SHF: variants seen among roughly 807,000 people sequenced by gnomAD.
SHF encodes the protein Src homology 2 domain containing F.
In SHF, 30 loss-of-function variants were observed where a neutral mutation model predicts 42.4. The observed-to-expected ratio is 0.71, with a 90% CI of 0.53 to 0.96. SHF has a LOEUF of 0.96. Ranked by LOEUF, SHF falls within the 40% of genes least tolerant of loss-of-function variation. The pLI is 0.00. For missense variants in SHF, 598 were observed against 634.0 expected, an observed-to-expected ratio of 0.94 and a Z score of 0.61; for synonymous variants, 264 against 269.9, an observed-to-expected ratio of 0.98 and a Z score of 0.21.
upstream of SHF, chr15:45,188,037 C>T (rs1453132702): frequency 1.2e-5 from 2 of 164,896 alleles, no homozygotes; most frequent in African/African-American, 2.8e-5. Context: ...CTCCGCCGGG[C>T]GGGGAGGGGG....
rs750043642 is a variant in SHF at position 45,172,277 on chromosome 15, G to A, written c.1030C>T (p.Arg344Trp). The A allele has an allele frequency of 3.3e-5, 53 of 1,611,954 alleles. No individual in the cohort carries two copies. The highest frequency in any genetic ancestry group is 5.3e-5 in the African/African-American group (4 of 75,006). The change falls in exon 5 of 7, where the codon CGG (arginine) becomes TGG (tryptophan). Residue 344 changes from arginine (R) to tryptophan (W), a missense_variant. This residue lies in a region of SHF where 439 missense variants were observed against 524.6 expected (regional missense o/e 0.84). Transcript: ENST00000690270. ...GPEKSCLSPGREEKGRLPPRL... is the reference protein window; with the variant it reads ...GPEKSCLSPGWEEKGRLPPRL... Reference sequence around the variant, plus strand: ...GGAGGTAGCCGCCCCTTCTCCTCCCGGCCAGGTGACAGGCAGCTCTTCTCC... The same window carrying A: ...GGAGGTAGCCGCCCCTTCTCCTCCCAGCCAGGTGACAGGCAGCTCTTCTCC...
chr15:45,177,835 A>G (rs1897899425), intron 2 of SHF, among the ~76,000 whole-genome samples: 1 of 152,088 alleles, frequency 6.6e-6, no homozygotes, highest in Non-Finnish European at 1.5e-5. Context: ...AAGATGTTTC[A>G]TTTCAAACTC....
At chr15:45,199,163 C>G in intron 1 of SHF, 1 of 1,387,008 alleles carries the variant, frequency 7.2e-7, no homozygotes, top group Non-Finnish European at 9.6e-7. Context: ...GCAAACGCAT[C>G]TCCCCATGTT....
At chr15:45,175,094 C>T in intron 3 of SHF, 125 bp downstream of exon 3, 4 of 1,078,960 alleles carry the variant, frequency 3.7e-6, no homozygotes, top group Admixed American at 5.5e-5. Context: ...CAGAACTCAA[C>T]TACATTTCCC....
At chr15:45,196,702 C>T (rs1033072911) in intron 2 of SHF, among the ~76,000 whole-genome samples, 1 of 151,930 alleles carries the variant, frequency 6.6e-6, no homozygotes, top group Non-Finnish European at 1.5e-5. Flanking sequence ...TCGAGACCAT[C>T]CTGGCTAACA....
chr15:45,188,366 G>A (rs140848486), upstream of SHF, among the ~76,000 whole-genome samples: 40 of 152,326 alleles, frequency 2.6e-4, 1 homozygote, highest in East Asian at 7.0e-3. Context: ...CCCTCTCCCA[G>A]GATCTCGCAA....
At chr15:45,189,552 T>A (rs944250253), upstream of SHF, among the ~76,000 whole-genome samples, 1 of 151,708 alleles carries the variant, frequency 6.6e-6, no homozygotes, top group Non-Finnish European at 1.5e-5. Flanking sequence ...CCACACCTGG[T>A]TAATTTTTTG....
intron 1 of SHF, 128 bp from the exon 2 acceptor site, chr15:45,178,434 C>G (rs1269102761): frequency 2.2e-5 from 25 of 1,116,114 alleles, no homozygotes; most frequent in Non-Finnish European, 3.1e-5. Flanking sequence ...CCCAGGTACT[C>G]AAAGGAAGGC....
chr15:45,169,472 G>A (rs1897364473), intron 6 of SHF, among the ~76,000 whole-genome samples: 1 of 152,198 alleles, frequency 6.6e-6, no homozygotes, highest in East Asian at 1.9e-4. Flanking sequence ...AACTAGGGCT[G>A]ACAGCACAGG....
intron 6 of SHF, among the ~76,000 whole-genome samples, chr15:45,169,660 C>G (rs926846310): frequency 3.9e-5 from 6 of 152,268 alleles, no homozygotes; most frequent in African/African-American, 1.4e-4. Context: ...GGAATTGTCT[C>G]TCCTAAAAGC....
upstream of SHF, among the ~76,000 whole-genome samples, chr15:45,192,598 C>T (rs567456682): frequency 3.9e-5 from 6 of 152,166 alleles, no homozygotes; most frequent in South Asian, 6.2e-4. Context: ...GTCTCGAACT[C>T]CTGACCTCGT....
In SHF at chr15:45,172,191, G is replaced by A; in HGVS notation, c.1116C>T (p.Pro372=). 6.2e-7 allele frequency: 1 copy of A among 1,613,924 alleles called. No homozygotes were observed. Among genetic ancestry groups the A allele is most frequent in the Non-Finnish European group, 8.5e-7 (1 of 1,179,862 alleles). ...AKPLSMEPSS[P]LGEWTDPALP... ...GTGCTGGATCTGTCCACTCCCCCAG[G>A]GGGCTGCTGGGCTCCATGCTTAGGG... is the stretch of plus-strand genomic sequence containing the variant. Residue 372 remains proline (P), a synonymous_variant, in exon 5 of 7, where the codon CCC becomes CCT. Transcript: ENST00000690270.
chr15:45,168,147 A>T lies in SHF; in HGVS notation c.1281-14T>A. 1 of 1,564,530 alleles carries T rather than the reference A, an allele frequency of 6.4e-7. No homozygotes were observed. On this transcript the variant is annotated splice_polypyrimidine_tract_variant and intron_variant, in intron 6 of 6. Coordinates refer to ENST00000690270, the MANE Select transcript of SHF (RefSeq NM_001394037.1). ...CCCTGGCTGCTCCTGGGAAGAGGAG[A>T]GGAGACTTTGGTGAGTGGGGGCTCT...
intron 1 of SHF, among the ~76,000 whole-genome samples, chr15:45,186,315 A>T (rs1294108813): frequency 1.3e-5 from 2 of 152,248 alleles, no homozygotes; most frequent in Non-Finnish European, 2.9e-5. Context: ...TCATCCAGGA[A>T]ATCTGGCGGA....
In SHF at chr15:45,172,283, G is replaced by GT. The variant is rs780385909; in HGVS notation, c.1023dup (p.Pro342ThrfsTer75). ...AGCCGCCCCTTCTCCTCCCGGCCAG[G>GT]TGACAGGCAGCTCTTCTCCGGTCCT... On this transcript the variant is annotated frameshift_variant, in exon 5 of 7. Coordinates refer to ENST00000690270, the MANE Select transcript of SHF (RefSeq NM_001394037.1). LOFTEE classifies it high-confidence loss of function. 10 of 1,611,112 alleles carry GT rather than the reference G, an allele frequency of 6.2e-6. No homozygotes were observed. The highest frequency in any genetic ancestry group is 8.5e-6 in the Non-Finnish European group (10 of 1,178,408).
chr15:45,171,688 G>T lies in SHF; in HGVS notation c.1280+195C>A, dbSNP rs1270057554. 1.3e-5 allele frequency: 8 copies of T among 625,838 alleles called. No individual in the cohort carries two copies. In the South Asian group the frequency reaches 1.4e-4, roughly 11 times the overall value. 38.8% of individuals were successfully genotyped at this position (625,838 alleles called of 1,614,324 possible). A position where few individuals can be genotyped will look rare whatever the true frequency, so the allele number is the denominator to read the frequency against. Reference sequence around the variant, plus strand: ...GAACCCTTCTGAGCTGGATGCTGCGGATCAACTATTTCTCCCAATGGACTC... The same window carrying T: ...GAACCCTTCTGAGCTGGATGCTGCGTATCAACTATTTCTCCCAATGGACTC... On this transcript the variant is annotated intron_variant, in intron 6 of 6. Coordinates refer to ENST00000690270, the MANE Select transcript of SHF (RefSeq NM_001394037.1).
At chr15:45,189,609 C>T (rs1303904124), upstream of SHF, among the ~76,000 whole-genome samples, 1 of 151,946 alleles carries the variant, frequency 6.6e-6, no homozygotes, top group African/African-American at 2.4e-5. Context: ...AGGCTGGTCT[C>T]GAACTCCTGA....
At position 45,175,315 on chromosome 15, in the gene SHF, G is replaced by A. The variant is rs376538901; in HGVS notation, c.751C>T (p.Arg251Trp). 33 of 1,605,994 alleles carry A rather than the reference G, an allele frequency of 2.1e-5. No homozygotes were observed. The highest frequency in any genetic ancestry group is 9.4e-5 in the African/African-American group (7 of 74,728). ...TAEGEGAPWP[R>W]ESRLPEDDER... ...TCATCCTCTGGCAGGCGGGACTCCC[G>A]GGGCCAGGGGGCCCCCTCACCTTCC... Residue 251 changes from arginine to tryptophan, a missense_variant, in exon 3 of 7, where the codon CGG (arginine) becomes TGG (tryptophan). This residue lies in a region of SHF where 439 missense variants were observed against 524.6 expected (regional missense o/e 0.84). Transcript: ENST00000690270.
chr15:45,189,678 C>T (rs958123391), upstream of SHF, among the ~76,000 whole-genome samples: 1 of 152,062 alleles, frequency 6.6e-6, no homozygotes, highest in South Asian at 2.1e-4. Flanking sequence ...TGTGAGCCAA[C>T]GGCACCTGGC....
Sources: allele counts gnomAD v4.1 joint callset (sites outside exome capture counted in the v4.1 genomes callset), GRCh38; gene constraint gnomAD v4.1.1; regional missense constraint gnomAD v4.1.1; transcripts MANE v1.5; gene names NCBI Gene and HGNC (gene_info 2026-07-23, HGNC 2026-07-21).